The following RBFOX1 variants were observed in gnomAD, a reference collection of about 807,000 sequenced individuals.
The protein encoded by RBFOX1 is RNA binding fox-1 homolog 1, also known as RNA binding protein fox-1 homolog 1.
Under a neutral mutation model 57.7 loss-of-function variants are expected in RBFOX1, and 8 were observed. The ratio of observed to expected loss-of-function variants is 0.14; its 90% CI spans 0.08 to 0.25. RBFOX1 has a LOEUF of 0.25. Among genes scored for constraint, RBFOX1 ranks in the 10% least tolerant of loss-of-function variants. RBFOX1 has a pLI of 1.00. For missense variants in RBFOX1, 611 were observed against 548.5 expected (o/e 1.11, Z -1.14); for synonymous variants, 326 against 222.4 (o/e 1.47, Z -4.15).
intron 4 of RBFOX1, among the ~76,000 whole-genome samples, chr16:7,293,245 C>T (rs780829936): frequency 2.0e-5 from 3 of 152,116 alleles, no homozygotes; most frequent in Non-Finnish European, 4.4e-5. Flanking sequence ...TGCATTGAAA[C>T]AACTATTTAC....
At chr16:6,960,292 T>C (rs2082687516) in intron 3 of RBFOX1, among the ~76,000 whole-genome samples, 1 of 152,138 alleles carries the variant, frequency 6.6e-6, no homozygotes, top group African/African-American at 2.4e-5. Context: ...ATCTTATAGA[T>C]GAGAAGTTAA....
chr16:5,469,526 A>T (rs956741363), intron 2 of RBFOX1, among the ~76,000 whole-genome samples: 2 of 152,208 alleles, frequency 1.3e-5, no homozygotes, highest in African/African-American at 4.8e-5. Context: ...TTCATATAAC[A>T]TGAAGTTAGG....
chr16:7,624,659 A>T (rs568088754), intron 10 of RBFOX1, among the ~76,000 whole-genome samples: 1 of 152,312 alleles, frequency 6.6e-6, no homozygotes, highest in South Asian at 2.1e-4. Flanking sequence ...ACTAATAAGC[A>T]CTTGTGCTAC....
intron 1 of RBFOX1, among the ~76,000 whole-genome samples, chr16:5,375,295 G>A (rs2065957186): frequency 2.6e-5 from 4 of 152,064 alleles, no homozygotes; most frequent in Admixed American, 2.6e-4. Context: ...ATATTCTAGG[G>A]AACCCACCAT....
rs111917334 is a variant in RBFOX1, at chr16:6,628,902, C to A, written c.-63-25701C>A. Among the ~76,000 whole-genome samples, 101 of 152,010 alleles carry A rather than the reference C, an allele frequency of 6.6e-4. 3 individuals are homozygous for A. The highest frequency in any genetic ancestry group is 1.6e-4 in the Non-Finnish European group (11 of 68,002). ...AAAATTAGCCAGGTGTGGTGGCATG[C>A]GTCTGTAGTCCCAGCTACTAGGGAG... On this transcript the variant is annotated intron_variant, in intron 2 of 15. Transcript: ENST00000550418.
intron 4 of RBFOX1, among the ~76,000 whole-genome samples, chr16:7,494,421 C>G (rs750632079): frequency 1.3e-4 from 20 of 152,286 alleles, no homozygotes; most frequent in Non-Finnish European, 2.1e-4. Flanking sequence ...TCTCTGCTCC[C>G]TCAACATGCT....
In RBFOX1 at chr16:5,996,226, C is replaced by T. The variant is rs1410593721; in HGVS notation, c.351+128891C>T. Reference sequence around the variant, plus strand: ...AACTGCAAACAGTGGTCATTTTCCACGAGCTCTTCTTAAGCTCTGCAGCAG... The same window carrying T: ...AACTGCAAACAGTGGTCATTTTCCATGAGCTCTTCTTAAGCTCTGCAGCAG... On this transcript the variant is annotated intron_variant, in intron 4 of 19. Transcript: ENST00000641259. Among the ~76,000 whole-genome samples, 7 of 152,134 alleles carry T rather than the reference C, an allele frequency of 4.6e-5. No individual in the cohort carries two copies. The East Asian group carries it at 5.8e-4, about 13-fold the overall frequency.
At chr16:6,581,950 T>G (rs1005988949) in intron 2 of RBFOX1, among the ~76,000 whole-genome samples, 9 of 152,208 alleles carry the variant, frequency 5.9e-5, no homozygotes, top group African/African-American at 2.2e-4. Context: ...GGGGCATTTT[T>G]GCTTCCCAAA....
At chr16:6,680,624 CAATA>C (rs2058509617) in intron 3 of RBFOX1, among the ~76,000 whole-genome samples, 1 of 152,106 alleles carries the variant, frequency 6.6e-6, no homozygotes, top group Non-Finnish European at 1.5e-5. Context: ...TCTAAAATAA[CAATA>C]AAGTTTCAAT....
intron 1 of RBFOX1, among the ~76,000 whole-genome samples, chr16:6,272,589 C>G (rs1333880333): frequency 6.6e-6 from 1 of 152,148 alleles, no homozygotes; most frequent in African/African-American, 2.4e-5. Flanking sequence ...CAACACTATT[C>G]TAAAATATAA....
At chr16:7,181,964 T>A (rs142169196) in intron 4 of RBFOX1, among the ~76,000 whole-genome samples, 28 of 152,312 alleles carry the variant, frequency 1.8e-4, no homozygotes, top group African/African-American at 6.7e-4. Context: ...AAGGGTTAAT[T>A]TCTTTGTAAC....
At chr16:5,700,888 G>C (rs1389541237) in intron 3 of RBFOX1, among the ~76,000 whole-genome samples, 1 of 152,136 alleles carries the variant, frequency 6.6e-6, no homozygotes, top group South Asian at 2.1e-4. Context: ...TCCACTCCAG[G>C]AGCTGAGCAT....
chr16:6,415,262 A>G (rs1038898196), intron 2 of RBFOX1, among the ~76,000 whole-genome samples: 93 of 142,822 alleles, frequency 6.5e-4, no homozygotes, highest in Non-Finnish European at 1.3e-3. Flanking sequence ...AAAAAAAAAA[A>G]AAAATAGCGT....
intron 3 of RBFOX1, among the ~76,000 whole-genome samples, chr16:6,879,161 C>A (rs749526417): frequency 6.6e-6 from 1 of 152,170 alleles, no homozygotes; most frequent in Non-Finnish European, 1.5e-5. Context: ...GACAAAACGG[C>A]TGCAAGAATA....
chr16:5,962,653 G>C (rs1299106792), intron 4 of RBFOX1, among the ~76,000 whole-genome samples: 1 of 152,066 alleles, frequency 6.6e-6, no homozygotes, highest in Non-Finnish European at 1.5e-5. Context: ...GTAAAGCACT[G>C]AGAAATGGCT....
intron 1 of RBFOX1, among the ~76,000 whole-genome samples, chr16:6,113,028 A>G (rs2096462590): frequency 6.6e-6 from 1 of 152,196 alleles, no homozygotes; most frequent in African/African-American, 2.4e-5. Flanking sequence ...GGTTCTGTGT[A>G]ACAAACCATC....
At chr16:7,164,623 C>G (rs138215610) in intron 4 of RBFOX1, among the ~76,000 whole-genome samples, 1 of 152,302 alleles carries the variant, frequency 6.6e-6, no homozygotes, top group Admixed American at 6.5e-5. Context: ...CGTGTAATTT[C>G]TTTTCTGTGT....
chr16:5,577,653 A>C (rs928739744), intron 2 of RBFOX1, among the ~76,000 whole-genome samples: 3 of 152,188 alleles, frequency 2.0e-5, no homozygotes, highest in African/African-American at 7.2e-5. Flanking sequence ...ATCATTTGCA[A>C]AATTTTAAAA....
chr16:5,836,260 C>A (rs934606284), intron 3 of RBFOX1, among the ~76,000 whole-genome samples: 48 of 152,158 alleles, frequency 3.2e-4, no homozygotes, highest in Non-Finnish European at 5.7e-4. Flanking sequence ...GGCTTGAGAC[C>A]CTGGGACATG....
Sources: allele counts gnomAD v4.1 joint callset (sites outside exome capture counted in the v4.1 genomes callset), GRCh38; gene constraint gnomAD v4.1.1; transcripts MANE v1.5; gene names NCBI Gene and HGNC (gene_info 2026-07-23, HGNC 2026-07-21).